Variants in RGS7 observed in about 807,000 individuals in gnomAD.
The protein encoded by RGS7 is regulator of G protein signaling 7.
In RGS7, 27 loss-of-function variants were observed where a neutral mutation model predicts 81.1. That is an observed-to-expected ratio of 0.33 (90% CI 0.25 to 0.46). The LOEUF is 0.46. Among genes scored for constraint, RGS7 ranks in the 20% least tolerant of loss-of-function variants. The pLI, the probability that RGS7 is intolerant of heterozygous loss-of-function variation, is 1.00. For synonymous variants in RGS7, 208 were observed against 207.7 expected, an observed-to-expected ratio of 1.00 and a Z score of -0.01; for missense variants, 396 against 607.4, an observed-to-expected ratio of 0.65 and a Z score of 3.66.
At chr1:241,183,752 T>TA (rs1403390574) in intron 2 of RGS7, among the ~76,000 whole-genome samples, 1 of 152,130 alleles carries the variant, frequency 6.6e-6, no homozygotes, top group African/African-American at 2.4e-5. Context: ...CTCTATGTAG[T>TA]AAAACAGTGG....
At chr1:240,812,365 C>T (rs1196337184) in intron 13 of RGS7, among the ~76,000 whole-genome samples, 2 of 151,860 alleles carry the variant, frequency 1.3e-5, no homozygotes, top group Admixed American at 1.3e-4. Flanking sequence ...AGTATTATCA[C>T]TTGCCAATGT....
intron 2 of RGS7, among the ~76,000 whole-genome samples, chr1:241,102,467 C>T (rs1452339083): frequency 1.3e-5 from 2 of 152,126 alleles, no homozygotes; most frequent in African/African-American, 4.8e-5. Flanking sequence ...GAAACTGACC[C>T]TTTTGAAAGA....
intron 4 of RGS7, among the ~76,000 whole-genome samples, chr1:240,968,194 C>G (rs1011259454): frequency 6.6e-6 from 1 of 152,170 alleles, no homozygotes; most frequent in African/African-American, 2.4e-5. Context: ...TGAACCCCAG[C>G]AGAGGAAGAG....
At chr1:241,126,349 A>G (rs2066659385) in intron 2 of RGS7, among the ~76,000 whole-genome samples, 1 of 151,992 alleles carries the variant, frequency 6.6e-6, no homozygotes, top group Non-Finnish European at 1.5e-5. Context: ...GGGTTTCTCC[A>G]TGTTGGTTAG....
chr1:240,819,666 A>G (rs1280646258), intron 10 of RGS7, among the ~76,000 whole-genome samples: 1 of 152,230 alleles, frequency 6.6e-6, no homozygotes, highest in Non-Finnish European at 1.5e-5. Context: ...TGGACCCAGG[A>G]GGCAGAGGCT....
chr1:241,285,194 C>G (rs1295711780), intron 2 of RGS7, among the ~76,000 whole-genome samples: 2 of 152,144 alleles, frequency 1.3e-5, no homozygotes, highest in Non-Finnish European at 2.9e-5. Flanking sequence ...CTATGCTGCC[C>G]TTTTTCCAGG....
At chr1:240,830,104 C>A (rs1693577249) in intron 9 of RGS7, among the ~76,000 whole-genome samples, 1 of 152,198 alleles carries the variant, frequency 6.6e-6, no homozygotes, top group South Asian at 2.1e-4. Context: ...AGAAGCCCCA[C>A]ATGCAATCCG....
At chr1:240,860,844 T>A (rs778235959) in intron 9 of RGS7, among the ~76,000 whole-genome samples, 11 of 152,146 alleles carry the variant, frequency 7.2e-5, no homozygotes, top group Admixed American at 1.3e-4. Context: ...TTTGGTCTCA[T>A]GTCTACAACT....
chr1:241,346,176 A>C (rs2082885533), intron 2 of RGS7, among the ~76,000 whole-genome samples: 1 of 152,208 alleles, frequency 6.6e-6, no homozygotes, highest in South Asian at 2.1e-4. Context: ...CAGAAAATAG[A>C]GGTTAACATA....
At chr1:240,903,460 C>T (rs937863808) in intron 6 of RGS7, among the ~76,000 whole-genome samples, 10 of 151,912 alleles carry the variant, frequency 6.6e-5, no homozygotes, top group Non-Finnish European at 1.0e-4. Flanking sequence ...GGGTTATTGC[C>T]TATTCATTAG....
chr1:241,183,669 T>A (rs973936418), intron 2 of RGS7, among the ~76,000 whole-genome samples: 4 of 152,238 alleles, frequency 2.6e-5, no homozygotes, highest in African/African-American at 9.6e-5. Flanking sequence ...TTCTATGAGT[T>A]CAAATCTGTT....
intron 6 of RGS7, among the ~76,000 whole-genome samples, chr1:240,915,198 G>A (rs1572739142): frequency 6.6e-6 from 1 of 152,228 alleles, no homozygotes; most frequent in South Asian, 2.1e-4. Flanking sequence ...GTATTACCCA[G>A]AGCCCAACAG....
chr1:240,995,844 G>A (rs139781797), intron 3 of RGS7, among the ~76,000 whole-genome samples: 5 of 150,482 alleles, frequency 3.3e-5, no homozygotes, highest in South Asian at 2.1e-4. Context: ...ATTTTCTTAC[G>A]CTTGCTTGCT....
chr1:241,129,588 T>C (rs2066930647), intron 2 of RGS7, among the ~76,000 whole-genome samples: 1 of 152,216 alleles, frequency 6.6e-6, no homozygotes, highest in Admixed American at 6.5e-5. Flanking sequence ...GCATTAAGTA[T>C]ATTTTATAAG....
At chr1:241,209,922 T>C (rs184129850) in intron 2 of RGS7, among the ~76,000 whole-genome samples, 1 of 152,156 alleles carries the variant, frequency 6.6e-6, no homozygotes, top group East Asian at 1.9e-4. Flanking sequence ...TAGAGTACCT[T>C]ATTGGTATCT....
chr1:240,946,520 T>C (rs1250170320), intron 4 of RGS7, among the ~76,000 whole-genome samples: 1 of 152,068 alleles, frequency 6.6e-6, no homozygotes, highest in East Asian at 1.9e-4. Flanking sequence ...GGTGGGAGAA[T>C]TGCTTGAGCC....
At chr1:240,796,865 C>T (rs987997128) in intron 18 of RGS7, among the ~76,000 whole-genome samples, 4 of 152,090 alleles carry the variant, frequency 2.6e-5, no homozygotes, top group Admixed American at 1.3e-4. Context: ...ACAGAGAGAA[C>T]GGGATAGCCA....
At chr1:240,922,726 T>C (rs566766758) in intron 6 of RGS7, among the ~76,000 whole-genome samples, 7 of 152,184 alleles carry the variant, frequency 4.6e-5, no homozygotes, top group African/African-American at 1.7e-4. Context: ...TAAATGCTGG[T>C]AAGGATGTGG....
intron 2 of RGS7, among the ~76,000 whole-genome samples, chr1:241,286,012 C>A (rs375408168): frequency 1.3e-5 from 2 of 152,226 alleles, no homozygotes; most frequent in East Asian, 3.9e-4. Flanking sequence ...ATCATCGTCC[C>A]TGTGTTTATT....
Sources: gnomAD v4.1 joint callset for allele counts (sites outside exome capture counted in the v4.1 genomes callset) on GRCh38, gnomAD v4.1.1 for gene constraint, MANE v1.5 for transcripts, NCBI Gene and HGNC (gene_info 2026-07-23, HGNC 2026-07-21) for gene names.